MS4A8: variants seen among roughly 807,000 people sequenced by gnomAD.
The protein encoded by MS4A8 is membrane spanning 4-domains A8, also known as membrane-spanning 4-domains subfamily A member 8.
A neutral mutation model predicts 23.7 loss-of-function variants in MS4A8; 27 were observed. That is an observed-to-expected ratio of 1.14 (90% CI 0.84 to 1.57). MS4A8 has a LOEUF of 1.57. MS4A8 is among the 40% of genes most tolerant of loss of function. The pLI is 0.00. For missense variants in MS4A8, 301 were observed against 311.4 expected, an observed-to-expected ratio of 0.97 and a Z score of 0.25; for synonymous variants, 138 against 126.3, an observed-to-expected ratio of 1.09 and a Z score of -0.62.
At position 60,703,455 on chromosome 11, in the gene MS4A8, G is replaced by A. The variant is rs1326021624; in HGVS notation, c.297G>A (p.Leu99=). 7 of 1,609,618 alleles carry A rather than the reference G, an allele frequency of 4.3e-6. No individual in the cohort carries two copies. The highest frequency in any genetic ancestry group is 5.1e-6 in the Non-Finnish European group (6 of 1,178,354). ...IMATVLVGEY[L]SISFYGGFPF... ...CGACGGTTCTCGTAGGGGAATACCT[G>A]TCTATTTCATTCTACGGAGGCTTTC... The change falls in exon 3 of 7, where the codon CTG becomes CTA. Residue 99 remains leucine (L), a synonymous_variant. Coordinates refer to ENST00000300226, the MANE Select transcript of MS4A8 (RefSeq NM_031457.2).
In MS4A8 at chr11:60,715,765, C is replaced by T. The variant is rs1204937911; in HGVS notation, c.*351C>T. The T allele has an allele frequency of 3.5e-6, 1 of 288,982 alleles. No homozygotes were observed. The allele number at this position is 288,982 out of a possible 1,614,324, so 17.9% of individuals were successfully genotyped here. A position where few individuals can be genotyped will look rare whatever the true frequency, so the allele number is the denominator to read the frequency against. ...CAAATATCTAGACATTCAATCTTCA[C>T]TCTTTCAATTGTGCATTCATTTAAT... On this transcript the variant is annotated 3_prime_UTR_variant, in exon 7 of 7. Coordinates refer to ENST00000300226, the MANE Select transcript of MS4A8 (RefSeq NM_031457.2).
intron 1 of MS4A8, among the ~76,000 whole-genome samples, chr11:60,700,348 C>T (rs893401938): frequency 1.1e-4 from 17 of 152,168 alleles, no homozygotes; most frequent in African/African-American, 2.4e-5. Context: ...GAGTTCGAGA[C>T]CAGCCTGGCC....
rs1402146245 is a variant in MS4A8 at position 60,715,509 on chromosome 11, C to A, written c.*95C>A. 9.2e-6 allele frequency: 8 copies of A among 873,266 alleles called. No individual in the cohort carries two copies. In the African/African-American group the frequency reaches 1.2e-4, roughly 13 times the overall value. The allele number at this position is 873,266 out of a possible 1,614,324, so 54.1% of individuals were successfully genotyped here. On this transcript the variant is annotated 3_prime_UTR_variant, in exon 7 of 7. Coordinates refer to ENST00000300226, the MANE Select transcript of MS4A8 (RefSeq NM_031457.2). ...ACCCAGGTCGTTCCTGTTCTGACAGCTGAGGAAACGTCTCTCCCACTGTTT... is the reference window on the plus strand; with the variant it reads ...ACCCAGGTCGTTCCTGTTCTGACAGATGAGGAAACGTCTCTCCCACTGTTT...
intron 5 of MS4A8, chr11:60,709,184 A>G (rs561086781): frequency 4.3e-6 from 1 of 235,186 alleles, no homozygotes; most frequent in African/African-American, 2.3e-5. Flanking sequence ...TCTGTCATGT[A>G]GCTATAGCTG....
intron 2 of MS4A8, among the ~76,000 whole-genome samples, chr11:60,701,732 A>AT (rs1283670314): frequency 6.6e-6 from 1 of 152,230 alleles, no homozygotes; most frequent in African/African-American, 2.4e-5. Context: ...CATCCTCCAG[A>AT]TATGCCTGTG....
Position 60,711,980 on chromosome 11 carries a change from T to C in MS4A8, c.535-3041T>C, listed in dbSNP as rs529416567. On this transcript the variant is annotated intron_variant, in intron 5 of 6. Transcript: ENST00000300226. ...CCCAAGGAATGGAGATACTCCGGGG[T>C]TTCCACATCAGGAATTATTTTTCAT... The C allele has an allele frequency of 7.4e-5, 19 of 256,248 alleles. 1 individual carries two copies. Among genetic ancestry groups the C allele is most frequent in the South Asian group, 2.8e-4 (8 of 28,264 alleles). 15.9% of individuals were successfully genotyped at this position (256,248 alleles called of 1,614,324 possible).
rs1347734199 is a variant in MS4A8, at chr11:60,715,299, G to A, written c.649-11G>A. 6.8e-6 allele frequency: 11 copies of A among 1,612,866 alleles called. 1 individual carries two copies. The South Asian group carries it at 1.2e-4, about 18-fold the overall frequency. On this transcript the variant is annotated splice_polypyrimidine_tract_variant and intron_variant, in intron 6 of 6. Coordinates refer to ENST00000300226, the MANE Select transcript of MS4A8 (RefSeq NM_031457.2). ...TTCTTAGCATGCCCCCTGTGTGCCT[G>A]TGTTTTCCAGGTGAGTGTCATCTAT...
At chr11:60,706,319 G>T (rs1565052152) in intron 3 of MS4A8, among the ~76,000 whole-genome samples, 1 of 152,176 alleles carries the variant, frequency 6.6e-6, no homozygotes, top group Non-Finnish European at 1.5e-5. Flanking sequence ...AGTGCCTGCG[G>T]AATACCATGT....
At chr11:60,708,498 A>C in intron 4 of MS4A8, 152 bp from the exon 5 acceptor site, 1 of 692,000 alleles carries the variant, frequency 1.4e-6, no homozygotes, top group Non-Finnish European at 2.2e-6. Context: ...GAACTGTAAC[A>C]CTTGAAAATG....
intron 5 of MS4A8, chr11:60,712,571 A>G: frequency 2.3e-6 from 2 of 862,898 alleles, no homozygotes. Context: ...AGGCAGGTGG[A>G]TCACTTGAGC....
chr11:60,715,047 G>T lies in MS4A8; in HGVS notation c.561G>T (p.Val187=). 6.2e-7 allele frequency: 1 copy of T among 1,614,096 alleles called. No homozygotes were observed. The highest frequency in any genetic ancestry group is 8.5e-7 in the Non-Finnish European group (1 of 1,179,982). The change falls in exon 6 of 7, where the codon GTG becomes GTT. Residue 187 remains valine (V), a synonymous_variant. Transcript: ENST00000300226. ...GVNPGMAISG[V]LLVFCLLEFG... is the part of the protein sequence containing the mutation. ...ACCCTGGAATGGCGATTTCTGGCGT[G>T]CTGCTGGTCTTCTGCCTCCTGGAGT...
At chr11:60,712,545 G>T (rs2088308760) in intron 5 of MS4A8, 1 of 972,838 alleles carries the variant, frequency 1.0e-6, no homozygotes, top group Non-Finnish European at 1.2e-6. Flanking sequence ...TGTAATCCCA[G>T]CACTTTGGGA....
chr11:60,712,319 T>A (rs1393636756), intron 5 of MS4A8: 83 of 985,102 alleles, frequency 8.4e-5, no homozygotes, highest in Non-Finnish European at 1.0e-4. Context: ...CTGCATCTGT[T>A]TTCCTACTAG....
chr11:60,700,265 G>T (rs2088190477), intron 1 of MS4A8, among the ~76,000 whole-genome samples: 1 of 152,204 alleles, frequency 6.6e-6, no homozygotes, highest in Admixed American at 6.5e-5. Flanking sequence ...ACTATGAGAG[G>T]CCGGGTGCGG....
At chr11:60,710,393 G>C (rs936814839) in intron 5 of MS4A8, among the ~76,000 whole-genome samples, 1 of 152,062 alleles carries the variant, frequency 6.6e-6, no homozygotes, top group East Asian at 1.9e-4. Context: ...TCCAGTTGAT[G>C]GCAACTCCAT....
intron 5 of MS4A8, chr11:60,712,428 G>A (rs749134564): frequency 2.0e-6 from 2 of 985,232 alleles, no homozygotes; most frequent in Non-Finnish European, 2.4e-6. Context: ...AGGGGCTAAG[G>A]AGAGGCCTCT....
chr11:60,706,896 G>C (rs981933396), intron 3 of MS4A8, 92 bp from the exon 4 acceptor site: 21 of 1,073,802 alleles, frequency 2.0e-5, no homozygotes, highest in Admixed American at 5.2e-5. Context: ...TTCCAGCAAA[G>C]GTACCCACTG....
At chr11:60,710,367 A>G (rs771977132) in intron 5 of MS4A8, among the ~76,000 whole-genome samples, 4 of 151,638 alleles carry the variant, frequency 2.6e-5, no homozygotes, top group Non-Finnish European at 4.4e-5. Context: ...AACCTTCTCT[A>G]CTCAGTTTTC....
At position 60,703,457 on chromosome 11, in the gene MS4A8, C is replaced by CT; in HGVS notation, c.300dup (p.Ile101TyrfsTer145). On this transcript the variant is annotated frameshift_variant, in exon 3 of 7. Coordinates refer to ENST00000300226, the MANE Select transcript of MS4A8 (RefSeq NM_031457.2). LOFTEE classifies it high-confidence loss of function. The stretch of plus-strand genomic sequence containing the variant: ...ACGGTTCTCGTAGGGGAATACCTGT[C>CT]TATTTCATTCTACGGAGGCTTTCCC... 6.2e-7 allele frequency: 1 copy of CT among 1,609,314 alleles called. No homozygotes were observed. Among genetic ancestry groups the CT allele is most frequent in the Non-Finnish European group, 8.5e-7 (1 of 1,178,224 alleles).
Sources: gnomAD v4.1 joint callset for allele counts (sites outside exome capture counted in the v4.1 genomes callset) on GRCh38, gnomAD v4.1.1 for gene constraint, MANE v1.5 for transcripts, NCBI Gene and HGNC (gene_info 2026-07-23, HGNC 2026-07-21) for gene names.